Variants in ULK4 observed in about 807,000 individuals in gnomAD.
ULK4 encodes the protein unc-51 like kinase 4.
A neutral mutation model predicts 160.6 loss-of-function variants in ULK4; 133 were observed. The ratio of observed to expected loss-of-function variants is 0.83; its 90% CI spans 0.72 to 0.96. The LOEUF is 0.96. ULK4 is among the 40% of genes least tolerant of loss of function. The pLI is 0.00. For synonymous variants in ULK4, 534 were observed against 539.8 expected (o/e 0.99, Z 0.15); for missense variants, 1,580 against 1,499.5 (o/e 1.05, Z -0.89).
At chr3:41,745,609 A>G (rs1356336946) in intron 22 of ULK4, among the ~76,000 whole-genome samples, 3 of 151,738 alleles carry the variant, frequency 2.0e-5, no homozygotes, top group Non-Finnish European at 1.5e-5. Context: ...TCTCTTCCAG[A>G]AAACAGAAAC....
intron 35 of ULK4, among the ~76,000 whole-genome samples, chr3:41,340,772 T>C (rs2080665783): frequency 6.6e-6 from 1 of 152,236 alleles, no homozygotes; most frequent in African/African-American, 2.4e-5. Flanking sequence ...TGATGTGCTA[T>C]GATTTAAAAT....
Position 41,372,235 on chromosome 3 carries a change from A to C in ULK4, c.3678+25844T>G, listed in dbSNP as rs1228928361. On this transcript the variant is annotated intron_variant, in intron 35 of 36. Transcript: ENST00000301831. ...GAAAACACTCTGCAGGATATTATCC[A>C]GGAGAACTTCCCCAACCTAGCAAGA... 2.0e-5 allele frequency among the ~76,000 whole-genome samples: 3 copies of C among 152,212 alleles called. No individual in the cohort carries two copies. The East Asian group carries it at 5.8e-4, about 29-fold the overall frequency.
chr3:41,302,709 A>C (rs2079823688), intron 35 of ULK4, among the ~76,000 whole-genome samples: 1 of 152,260 alleles, frequency 6.6e-6, no homozygotes, highest in Non-Finnish European at 1.5e-5. Flanking sequence ...TTAAGTGAAC[A>C]GACAAATTTA....
At chr3:41,945,113 G>A (rs1700075158) in intron 2 of ULK4, among the ~76,000 whole-genome samples, 1 of 152,104 alleles carries the variant, frequency 6.6e-6, no homozygotes, top group East Asian at 1.9e-4. Flanking sequence ...GAGGAGCACT[G>A]GCCCCTGTCT....
At chr3:41,605,678 CT>C (rs772320846) in intron 31 of ULK4, among the ~76,000 whole-genome samples, 12 of 152,004 alleles carry the variant, frequency 7.9e-5, no homozygotes, top group Admixed American at 2.6e-4. Context: ...CCTGTCACCC[CT>C]CTCTCAATGA....
chr3:41,576,899 A>G (rs761757832), intron 31 of ULK4, among the ~76,000 whole-genome samples: 32 of 152,246 alleles, frequency 2.1e-4, no homozygotes, highest in Non-Finnish European at 4.3e-4. Flanking sequence ...TCTGTAAAAG[A>G]TAACTGCTCA....
chr3:41,787,656 C>T (rs2040035605), intron 21 of ULK4, among the ~76,000 whole-genome samples: 1 of 152,138 alleles, frequency 6.6e-6, no homozygotes, highest in Admixed American at 6.5e-5. Flanking sequence ...TGTCTCACAA[C>T]AATGTGAACA....
intron 31 of ULK4, among the ~76,000 whole-genome samples, chr3:41,579,999 C>T (rs1261090178): frequency 1.3e-5 from 2 of 152,162 alleles, no homozygotes; most frequent in Non-Finnish European, 2.9e-5. Context: ...ATGGAGCACA[C>T]GTGTGAGGAC....
chr3:41,633,688 T>A (rs1024908899), intron 30 of ULK4, among the ~76,000 whole-genome samples: 1 of 152,114 alleles, frequency 6.6e-6, no homozygotes, highest in Non-Finnish European at 1.5e-5. Context: ...AATCTCAAGA[T>A]GATCAAAGCA....
intron 34 of ULK4, among the ~76,000 whole-genome samples, chr3:41,403,307 T>C (rs2082223258): frequency 6.6e-6 from 1 of 152,224 alleles, no homozygotes; most frequent in Non-Finnish European, 1.5e-5. Context: ...ACTATTCAAG[T>C]GTTCATGTTG....
chr3:41,474,910 T>A (rs2125890429), intron 32 of ULK4, among the ~76,000 whole-genome samples: 1 of 151,810 alleles, frequency 6.6e-6, no homozygotes, highest in South Asian at 2.1e-4. Flanking sequence ...TTAGTATGAC[T>A]ATTATGGAAA....
chr3:41,325,406 T>C (rs982336258), intron 35 of ULK4, among the ~76,000 whole-genome samples: 1 of 152,190 alleles, frequency 6.6e-6, no homozygotes, highest in African/African-American at 2.4e-5. Flanking sequence ...AGATCAGAAT[T>C]GAACTCCATT....
Position 41,328,262 on chromosome 3 carries a change from G to T in ULK4, c.3678+69817C>A, listed in dbSNP as rs193073189. 3.6e-4 allele frequency among the ~76,000 whole-genome samples: 55 copies of T among 152,324 alleles called. 1 individual carries two copies. Among genetic ancestry groups the T allele is most frequent in the African/African-American group, 1.2e-3 (49 of 41,570 alleles). On this transcript the variant is annotated intron_variant, in intron 35 of 36. Transcript: ENST00000301831. ...CCACAGAGTGATATGGCTTCTAGAG[G>T]TGGCCCTGTGACCCTGGCATCATCA...
chr3:41,774,418 G>A (rs924671126), intron 21 of ULK4, among the ~76,000 whole-genome samples: 5 of 150,716 alleles, frequency 3.3e-5, no homozygotes, highest in South Asian at 2.1e-4. Context: ...CAAAGGATAT[G>A]AACAGACACT....
chr3:41,352,484 C>T (rs982948172), intron 35 of ULK4, among the ~76,000 whole-genome samples: 4 of 152,178 alleles, frequency 2.6e-5, no homozygotes, highest in African/African-American at 7.2e-5. Flanking sequence ...TTAGCCATAT[C>T]CCACTGCTGG....
chr3:41,680,368 T>A (rs969758279), intron 29 of ULK4, among the ~76,000 whole-genome samples: 2 of 151,830 alleles, frequency 1.3e-5, no homozygotes, highest in African/African-American at 2.4e-5. Context: ...GAAGTGTAAA[T>A]AGGAAAAAAG....
At chr3:41,582,601 T>C (rs2030461847) in intron 31 of ULK4, among the ~76,000 whole-genome samples, 1 of 152,222 alleles carries the variant, frequency 6.6e-6, no homozygotes, top group African/African-American at 2.4e-5. Context: ...TCACCTTGCT[T>C]TCTGCTTTCA....
intron 16 of ULK4, among the ~76,000 whole-genome samples, chr3:41,890,220 A>G (rs1233861960): frequency 6.6e-6 from 1 of 152,228 alleles, no homozygotes; most frequent in Non-Finnish European, 1.5e-5. Context: ...GGTGAATTTT[A>G]TGGTATGTGA....
intron 17 of ULK4, among the ~76,000 whole-genome samples, chr3:41,865,280 A>T (rs1379909179): frequency 1.5e-5 from 2 of 129,584 alleles, no homozygotes; most frequent in South Asian, 2.4e-4. Flanking sequence ...TTAAAAAAAA[A>T]AAAAAAAAAA....
Sources: gnomAD v4.1 joint callset for allele counts (sites outside exome capture counted in the v4.1 genomes callset) on GRCh38, gnomAD v4.1.1 for gene constraint, MANE v1.5 for transcripts, NCBI Gene and HGNC (gene_info 2026-07-23, HGNC 2026-07-21) for gene names.